Variants in SLC15A5 observed in about 807,000 individuals in gnomAD.
The protein encoded by SLC15A5 is Peptide/histidine transporter ENSP00000340402.
SLC15A5 carries 58 observed loss-of-function variants against 56.1 expected under a neutral mutation model. That is an observed-to-expected ratio of 1.03 (90% CI 0.84 to 1.29). The LOEUF is 1.29. Ranked by LOEUF, SLC15A5 falls within the 50% of genes most tolerant of loss-of-function variation. The pLI, the probability that SLC15A5 is intolerant of heterozygous loss-of-function variation, is 0.00. For synonymous variants in SLC15A5, 264 were observed against 250.5 expected (o/e 1.05, Z -0.51); for missense variants, 681 against 672.1 (o/e 1.01, Z -0.15).
chr12:16,241,143 C>A (rs991609452), intron 4 of SLC15A5, among the ~76,000 whole-genome samples: 3 of 152,098 alleles, frequency 2.0e-5, no homozygotes, highest in African/African-American at 7.2e-5. Flanking sequence ...CATAGTATTT[C>A]TTTAATTCCC....
At chr12:16,208,356 G>C (rs778216150) in intron 7 of SLC15A5, among the ~76,000 whole-genome samples, 1 of 152,100 alleles carries the variant, frequency 6.6e-6, no homozygotes, top group Non-Finnish European at 1.5e-5. Flanking sequence ...ATTCTTATCA[G>C]AAAAATACAC....
chr12:16,214,861 AG>A (rs2136245553), intron 7 of SLC15A5, among the ~76,000 whole-genome samples: 1 of 152,212 alleles, frequency 6.6e-6, no homozygotes, highest in African/African-American at 2.4e-5. Context: ...AGCTTGTCAG[AG>A]GTGATGACAG....
chr12:16,222,771 G>A (rs1864200612), intron 6 of SLC15A5, among the ~76,000 whole-genome samples: 1 of 152,120 alleles, frequency 6.6e-6, no homozygotes, highest in South Asian at 2.1e-4. Context: ...TTGCTAAGCT[G>A]GCTAGCAATT....
At position 16,272,648 on chromosome 12, in the gene SLC15A5, A is replaced by G. The variant is rs1301384736; in HGVS notation, c.497T>C (p.Ile166Thr). Residue 166 changes from isoleucine (I) to threonine (T), a missense_variant, in exon 2 of 9, where the codon ATT becomes ACT. Transcript: ENST00000344941. ...ACAGACGATGGCTCTTACGCCTCCA[A>G]TGCCAAGGCAAATGGTCAGCAGTGC... ...YVALLTICLG[I>T]GGVRAIVCPL... is the part of the protein sequence containing the mutation. 5.3e-5 allele frequency: 82 copies of G among 1,536,940 alleles called. No individual in the cohort carries two copies. Among genetic ancestry groups the G allele is most frequent in the Non-Finnish European group, 6.7e-5 (77 of 1,146,730 alleles).
chr12:16,261,078 G>A (rs1864638998), intron 2 of SLC15A5, among the ~76,000 whole-genome samples: 1 of 151,636 alleles, frequency 6.6e-6, no homozygotes, highest in South Asian at 2.1e-4. Context: ...GCTTTATTGA[G>A]ATATAATTGA....
chr12:16,254,325 G>T (rs1864547788), intron 3 of SLC15A5, among the ~76,000 whole-genome samples: 1 of 152,058 alleles, frequency 6.6e-6, no homozygotes, highest in South Asian at 2.1e-4. Context: ...GGACTAGGAG[G>T]AGTGGGGAGG....
At chr12:16,205,393 T>C (rs1864004629) in intron 7 of SLC15A5, among the ~76,000 whole-genome samples, 1 of 151,786 alleles carries the variant, frequency 6.6e-6, no homozygotes, top group South Asian at 2.1e-4. Context: ...ACTGAAGGAA[T>C]AATCCCATTT....
chr12:16,238,316 G>A (rs1864371913), intron 5 of SLC15A5, among the ~76,000 whole-genome samples: 1 of 152,054 alleles, frequency 6.6e-6, no homozygotes, highest in Non-Finnish European at 1.5e-5. Flanking sequence ...TTCCGCCATA[G>A]TCTCCTAAGT....
chr12:16,268,633 A>G (rs1402796700), intron 2 of SLC15A5, among the ~76,000 whole-genome samples: 1 of 152,150 alleles, frequency 6.6e-6, no homozygotes, highest in Admixed American at 6.5e-5. Flanking sequence ...TGAATTTCTC[A>G]ATCAGGCAGA....
rs117709534 is a variant in SLC15A5, at chr12:16,248,522, G to C, written c.755-3722C>G. Among the ~76,000 whole-genome samples the C allele has an allele frequency of 1.3e-3, 199 of 152,152 alleles. 6 individuals are homozygous for C. The East Asian group carries it at 0.027, about 21-fold the overall frequency. ...TAAGTTGATCAACTGGACTGAGAGAGACCCAGTAAGTCAGCAAGAGAGTCC... is the reference window on the plus strand; with the variant it reads ...TAAGTTGATCAACTGGACTGAGAGACACCCAGTAAGTCAGCAAGAGAGTCC... On this transcript the variant is annotated intron_variant, in intron 3 of 8. Coordinates refer to ENST00000344941, the MANE Select transcript of SLC15A5 (RefSeq NM_001170798.1).
chr12:16,211,695 C>T (rs1864082735), intron 7 of SLC15A5, among the ~76,000 whole-genome samples: 2 of 152,142 alleles, frequency 1.3e-5, no homozygotes, highest in Admixed American at 6.6e-5. Flanking sequence ...TCTTCATTCC[C>T]TTATATTAGC....
chr12:16,220,454 T>C (rs1211746524), intron 6 of SLC15A5, among the ~76,000 whole-genome samples: 2 of 152,222 alleles, frequency 1.3e-5, no homozygotes, highest in East Asian at 1.9e-4. Flanking sequence ...TGATCTCCAA[T>C]CTACCTCAGC....
chr12:16,251,640 A>G (rs1864520027), intron 3 of SLC15A5, among the ~76,000 whole-genome samples: 2 of 151,910 alleles, frequency 1.3e-5, no homozygotes, highest in Non-Finnish European at 2.9e-5. Context: ...AAAAATCTGA[A>G]AAGACCTAAA....
At chr12:16,193,779 G>T (rs1863861681) in intron 8 of SLC15A5, among the ~76,000 whole-genome samples, 1 of 71,856 alleles carries the variant, frequency 1.4e-5, no homozygotes, top group Non-Finnish European at 2.7e-5. Flanking sequence ...ATATGTCAAG[G>T]GGAGAGAGAG....
intron 7 of SLC15A5, among the ~76,000 whole-genome samples, chr12:16,195,308 T>C (rs949045376): frequency 1.3e-5 from 2 of 152,076 alleles, no homozygotes; most frequent in Non-Finnish European, 2.9e-5. Context: ...TATTGTTTAA[T>C]ATATAAAATA....
Position 16,277,541 on chromosome 12 carries a change from C to T in SLC15A5, c.145G>A (p.Val49Met), listed in dbSNP as rs768882382. The T allele has an allele frequency of 2.0e-6, 3 of 1,536,504 alleles. No individual in the cohort carries two copies. The Admixed American group carries it at 5.9e-5, about 30-fold the overall frequency. Reference sequence around the variant, plus strand: ...AACGTGAACCTCTCACACAGCTCCACCAGAAGCAAGCAGATTCCAACCTGA... The same window carrying T: ...AACGTGAACCTCTCACACAGCTCCATCAGAAGCAAGCAGATTCCAACCTGA... ...KIQVGICLLL[V>M]ELCERFTFFE... The change falls in exon 1 of 9, where the codon GTG becomes ATG. Residue 49 changes from valine to methionine, a missense_variant. By Grantham distance (21) the Val-to-Met change is conservative. Transcript: ENST00000344941.
intron 7 of SLC15A5, among the ~76,000 whole-genome samples, chr12:16,195,620 G>A (rs1863886834): frequency 6.6e-6 from 1 of 152,064 alleles, no homozygotes. Flanking sequence ...AAGGTGAAGA[G>A]GGTGTGGGAC....
rs1864724122 is a variant in SLC15A5, at chr12:16,269,154, T to C, written c.584+3407A>G. On this transcript the variant is annotated intron_variant, in intron 2 of 8. Transcript: ENST00000344941. This position sits in a 1 kb window ranked among gnomAD's most constrained non-coding sequence, Gnocchi z 4.7. ...TCTACTATTTATAAGCCAGCCAATC[T>C]CTGCTGATTTGTTATTGCAGCCTGA... Among the ~76,000 whole-genome samples, 1 of 152,202 alleles carries C rather than the reference T, an allele frequency of 6.6e-6. No individual in the cohort carries two copies. Among genetic ancestry groups the C allele is most frequent in the South Asian group, 2.1e-4 (1 of 4,820 alleles).
chr12:16,241,108 C>G (rs1201844280), intron 4 of SLC15A5, among the ~76,000 whole-genome samples: 2 of 152,216 alleles, frequency 1.3e-5, no homozygotes, highest in Non-Finnish European at 2.9e-5. Context: ...CCACCGTGCC[C>G]GGCCCATCAT....
Sources: gnomAD v4.1 joint callset for allele counts (sites outside exome capture counted in the v4.1 genomes callset) on GRCh38, gnomAD v4.1.1 for gene constraint, Gnocchi (gnomAD v3.1) non-coding constraint, MANE v1.5 for transcripts, NCBI Gene and HGNC (gene_info 2026-07-23, HGNC 2026-07-21) for gene names.